ARHGAP10: variants seen among roughly 807,000 people sequenced by gnomAD.
ARHGAP10 encodes the protein Rho GTPase activating protein 10.
Under a neutral mutation model 108.6 loss-of-function variants are expected in ARHGAP10, and 87 were observed. The ratio of observed to expected loss-of-function variants is 0.80; its 90% CI spans 0.67 to 0.96. The LOEUF is 0.96. ARHGAP10 is among the 40% of genes least tolerant of loss of function. The pLI, the probability that ARHGAP10 is intolerant of heterozygous loss-of-function variation, is 0.00. For synonymous variants in ARHGAP10, 347 were observed against 341.1 expected (o/e 1.02, Z -0.19); for missense variants, 939 against 954.5 (o/e 0.98, Z 0.21).
chr4:147,844,996 T>A (rs1733577813), intron 3 of ARHGAP10, among the ~76,000 whole-genome samples: 1 of 152,168 alleles, frequency 6.6e-6, no homozygotes, highest in Non-Finnish European at 1.5e-5. Context: ...CACGCTCTGA[T>A]CCCCTGCCAT....
intron 18 of ARHGAP10, among the ~76,000 whole-genome samples, chr4:147,983,432 G>T (rs901982219): frequency 6.6e-6 from 1 of 151,796 alleles, no homozygotes; most frequent in South Asian, 2.1e-4. Context: ...TGATCCGCCC[G>T]CCTCCTCCTC....
chr4:147,813,633 C>T (rs750922897), intron 1 of ARHGAP10, among the ~76,000 whole-genome samples: 17 of 152,086 alleles, frequency 1.1e-4, no homozygotes, highest in Admixed American at 1.3e-4. Context: ...CAATTGCACG[C>T]GACAGAGAAA....
intron 7 of ARHGAP10, among the ~76,000 whole-genome samples, chr4:147,874,357 G>A (rs4240342): frequency 0.95 from 144,025 of 152,242 alleles, 68,566 homozygotes; most frequent in Non-Finnish European, 1. Context: ...ATATGTTTTC[G>A]GTGTAGCCGT....
At chr4:147,974,533 A>G (rs1739523303) in intron 18 of ARHGAP10, among the ~76,000 whole-genome samples, 2 of 152,342 alleles carry the variant, frequency 1.3e-5, no homozygotes, top group Middle Eastern at 3.4e-3. Context: ...GAATTACTTA[A>G]TATAAGAATA....
rs141814865 is a variant in ARHGAP10 at position 147,890,693 on chromosome 4, G to C, written c.1034+8761G>C. Among the ~76,000 whole-genome samples the C allele has an allele frequency of 4.9e-3, 743 of 152,262 alleles. 39 individuals carry two copies. In the East Asian group the frequency reaches 0.11, roughly 23 times the overall value. On this transcript the variant is annotated intron_variant, in intron 10 of 22. Transcript: ENST00000336498. ...AATGCAAAAATTAACTGGGTGTGGT[G>C]GTGGGTGCCTATAATCCCAGCTACT...
At chr4:147,838,578 G>C (rs1429827638) in intron 3 of ARHGAP10, among the ~76,000 whole-genome samples, 1 of 151,974 alleles carries the variant, frequency 6.6e-6, no homozygotes, top group Non-Finnish European at 1.5e-5. Flanking sequence ...CTGTTGCTTG[G>C]GCTGGAGTGC....
Position 147,939,747 on chromosome 4 carries a change from G to T in ARHGAP10, c.1229-78G>T, listed in dbSNP as rs948335994. 22 of 1,285,044 alleles carry T rather than the reference G, an allele frequency of 1.7e-5. No homozygotes were observed. In the East Asian group the frequency reaches 3.9e-4, roughly 23 times the overall value. The allele number at this position is 1,285,044 out of a possible 1,614,324, so 79.6% of individuals were successfully genotyped here. A position where few individuals can be genotyped will look rare whatever the true frequency, so the allele number is the denominator to read the frequency against. On this transcript the variant is annotated intron_variant, in intron 13 of 22. Coordinates refer to ENST00000336498, the MANE Select transcript of ARHGAP10 (RefSeq NM_024605.4). ...AATGCTGCTAATGTTAGTTAGCAAA[G>T]ATTTTGAATGCAACTGTTTGATGGC... is the stretch of plus-strand genomic sequence containing the variant.
In ARHGAP10 at chr4:147,751,976, C is replaced by T. The variant is rs890933794; in HGVS notation, c.154+19521C>T. On this transcript the variant is annotated intron_variant, in intron 1 of 22. Transcript: ENST00000336498. ...TCTCGACTCACTGCCACCTCTGACT[C>T]CCAGGTTCAAGCAATTCTCCTGCCT... is the stretch of plus-strand genomic sequence containing the variant. 2.0e-5 allele frequency among the ~76,000 whole-genome samples: 3 copies of T among 151,236 alleles called. No homozygotes were observed. The Middle Eastern group carries it at 0.01, about 518-fold the overall frequency.
At chr4:148,031,023 C>T (rs917955265) in intron 19 of ARHGAP10, among the ~76,000 whole-genome samples, 2 of 152,122 alleles carry the variant, frequency 1.3e-5, no homozygotes, top group Admixed American at 1.3e-4. Flanking sequence ...TATACCACTG[C>T]ACTCCAGCCT....
chr4:148,054,707 T>C (rs1479429612), intron 20 of ARHGAP10, among the ~76,000 whole-genome samples: 1 of 152,232 alleles, frequency 6.6e-6, no homozygotes, highest in Non-Finnish European at 1.5e-5. Flanking sequence ...TCAGAGCCTC[T>C]GAGAATAGAC....
intron 18 of ARHGAP10, among the ~76,000 whole-genome samples, chr4:147,970,008 G>GGAT (rs1739347740): frequency 6.6e-6 from 1 of 152,090 alleles, no homozygotes; most frequent in Admixed American, 6.6e-5. Context: ...TGGAGATGGG[G>GGAT]GATGTCAGTT....
chr4:148,015,171 C>T (rs1434736998), intron 18 of ARHGAP10, among the ~76,000 whole-genome samples: 3 of 152,104 alleles, frequency 2.0e-5, no homozygotes, highest in Non-Finnish European at 2.9e-5. Flanking sequence ...CAGCCTCTTG[C>T]GTCTGTAATG....
At chr4:147,909,113 C>T (rs1282538714) in intron 11 of ARHGAP10, among the ~76,000 whole-genome samples, 1 of 152,160 alleles carries the variant, frequency 6.6e-6, no homozygotes. Flanking sequence ...GTGAACCCCT[C>T]ATCAGTTTAA....
chr4:147,885,289 G>A (rs1276067428), intron 10 of ARHGAP10, among the ~76,000 whole-genome samples: 1 of 152,150 alleles, frequency 6.6e-6, no homozygotes, highest in East Asian at 1.9e-4. Context: ...TATGGTTGGG[G>A]AGGCCTCATA....
intron 20 of ARHGAP10, among the ~76,000 whole-genome samples, chr4:148,062,505 G>A (rs1055864460): frequency 1.3e-5 from 2 of 152,110 alleles, no homozygotes; most frequent in South Asian, 2.1e-4. Context: ...AGATTAACAC[G>A]CATCAATTAT....
chr4:147,821,992 A>C (rs932932321), intron 1 of ARHGAP10, among the ~76,000 whole-genome samples: 1 of 152,194 alleles, frequency 6.6e-6, no homozygotes, highest in African/African-American at 2.4e-5. Flanking sequence ...ATGGTATAAT[A>C]ATCTTTATAT....
At position 147,803,082 on chromosome 4, in the gene ARHGAP10, C is replaced by T. The variant is rs574456251; in HGVS notation, c.155-19645C>T. ...GGAGGGCAGTGGTGTGATCTTGGTACACTGCAACCTCTGCCTCCTGGGTTC... is the reference window on the plus strand; with the variant it reads ...GGAGGGCAGTGGTGTGATCTTGGTATACTGCAACCTCTGCCTCCTGGGTTC... On this transcript the variant is annotated intron_variant, in intron 1 of 22. Coordinates refer to ENST00000336498, the MANE Select transcript of ARHGAP10 (RefSeq NM_024605.4). 5.3e-5 allele frequency among the ~76,000 whole-genome samples: 8 copies of T among 151,944 alleles called. No homozygotes were observed. In the East Asian group the frequency reaches 1.4e-3, roughly 26 times the overall value.
intron 8 of ARHGAP10, among the ~76,000 whole-genome samples, chr4:147,877,358 T>C (rs1189806000): frequency 6.6e-6 from 1 of 152,124 alleles, no homozygotes; most frequent in Non-Finnish European, 1.5e-5. Context: ...CTGATGATGG[T>C]CTGAGATAAA....
chr4:147,857,456 TTA>T, intron 4 of ARHGAP10, 95 bp from the exon 5 acceptor site: 2 of 1,202,740 alleles, frequency 1.7e-6, no homozygotes, highest in Non-Finnish European at 2.2e-6. Flanking sequence ...GTGCTTTGTT[TTA>T]TTTTCAGATA....
Sources: gnomAD v4.1 joint callset for allele counts (sites outside exome capture counted in the v4.1 genomes callset) on GRCh38, gnomAD v4.1.1 for gene constraint, MANE v1.5 for transcripts, NCBI Gene and HGNC (gene_info 2026-07-23, HGNC 2026-07-21) for gene names.